GPC5: variants seen among roughly 807,000 people sequenced by gnomAD.
GPC5 encodes glypican 5, also known as glypican-5.
Under a neutral mutation model 53.9 loss-of-function variants are expected in GPC5, and 47 were observed. The observed-to-expected ratio is 0.87, with a 90% CI of 0.69 to 1.11. The LOEUF (loss-of-function observed/expected upper bound fraction) is 1.11, where lower values mean the gene tolerates loss of function less well. Ranked by LOEUF, GPC5 falls within the 50% of genes most tolerant of loss-of-function variation. The probability of loss-of-function intolerance (pLI) is 0.00; values close to 1 mark genes in which losing one functional copy is unlikely to be tolerated. For synonymous variants in GPC5, 286 were observed against 263.3 expected, an observed-to-expected ratio of 1.09 and a Z score of -0.84; for missense variants, 748 against 713.1, an observed-to-expected ratio of 1.05 and a Z score of -0.56.
intron 7 of GPC5, among the ~76,000 whole-genome samples, chr13:92,591,751 C>T (rs1883718233): frequency 1.3e-5 from 2 of 152,072 alleles, no homozygotes; most frequent in Non-Finnish European, 2.9e-5. Flanking sequence ...ACTCCCCCAC[C>T]CCCCAACCAC....
intron 7 of GPC5, among the ~76,000 whole-genome samples, chr13:92,663,579 A>ATATATATATATATATATCTAC (rs1886423172): frequency 1.2e-5 from 1 of 82,198 alleles, no homozygotes. Flanking sequence ...TCTACTAAAT[A>ATATATATATATATATATCTAC]TATATATATA....
At chr13:92,357,382 C>T (rs545342675) in intron 7 of GPC5, among the ~76,000 whole-genome samples, 2 of 151,736 alleles carry the variant, frequency 1.3e-5, no homozygotes, top group Non-Finnish European at 2.9e-5. Context: ...GCATCTGTTA[C>T]TTTTTGACTT....
intron 5 of GPC5, among the ~76,000 whole-genome samples, chr13:91,833,876 A>T (rs974593583): frequency 6.6e-6 from 1 of 152,086 alleles, no homozygotes; most frequent in Admixed American, 6.6e-5. Flanking sequence ...TCAACATTGT[A>T]TTGGAAGTTC....
At chr13:92,381,604 G>T (rs1316832565) in intron 7 of GPC5, among the ~76,000 whole-genome samples, 1 of 151,240 alleles carries the variant, frequency 6.6e-6, no homozygotes, top group Admixed American at 6.6e-5. Context: ...ATTCCTTAAA[G>T]AACTAAAAGT....
intron 2 of GPC5, among the ~76,000 whole-genome samples, chr13:91,466,639 T>C (rs1047068787): frequency 6.6e-6 from 1 of 152,030 alleles, no homozygotes; most frequent in Non-Finnish European, 1.5e-5. Flanking sequence ...AAGTGAGTTT[T>C]GGTAGTGATG....
At chr13:91,927,284 T>A (rs2039778021) in intron 6 of GPC5, among the ~76,000 whole-genome samples, 1 of 152,198 alleles carries the variant, frequency 6.6e-6, no homozygotes, top group Non-Finnish European at 1.5e-5. Flanking sequence ...CAGAAAACCC[T>A]GTCGTGCTAT....
At chr13:91,637,291 T>C (rs1429551935) in intron 2 of GPC5, among the ~76,000 whole-genome samples, 1 of 152,214 alleles carries the variant, frequency 6.6e-6, no homozygotes, top group Non-Finnish European at 1.5e-5. Flanking sequence ...GAAGTGTACT[T>C]ACATTATTTT....
intron 6 of GPC5, among the ~76,000 whole-genome samples, chr13:91,980,708 A>G (rs1213372536): frequency 6.6e-6 from 1 of 152,198 alleles, no homozygotes; most frequent in African/African-American, 2.4e-5. Flanking sequence ...TTTACTAAAT[A>G]TATCCATCCA....
At chr13:92,628,460 G>C (rs779331753) in intron 7 of GPC5, among the ~76,000 whole-genome samples, 1 of 151,592 alleles carries the variant, frequency 6.6e-6, no homozygotes, top group Non-Finnish European at 1.5e-5. Flanking sequence ...TAGCTGGGCT[G>C]CTTTGGGGGT....
chr13:91,478,822 T>TATATATATATACACAC lies in GPC5; in HGVS notation c.325+29901_325+29902insTATATATATACACACA, dbSNP rs1323023652. Among the ~76,000 whole-genome samples, 11 of 92,160 alleles carry TATATATATATACACAC rather than the reference T, an allele frequency of 1.2e-4. 1 individual carries two copies. The highest frequency in any genetic ancestry group is 3.1e-4 in the African/African-American group (6 of 19,356). 60.5% of individuals were successfully genotyped at this position (92,160 alleles called of 152,430 possible). On this transcript the variant is annotated intron_variant, in intron 2 of 7. Coordinates refer to ENST00000377067, the MANE Select transcript of GPC5 (RefSeq NM_004466.6). ...ATATATATATATATATATATATATA[T>TATATATATATACACAC]ACACACACACACATATATATACACA...
chr13:91,486,226 G>T (rs756091785), intron 2 of GPC5: 1 of 152,100 alleles, frequency 6.6e-6, no homozygotes, highest in Non-Finnish European at 1.5e-5. Context: ...TAGACCATCC[G>T]CTGGGCTCAT....
chr13:91,420,867 C>A (rs1878574377), intron 1 of GPC5, among the ~76,000 whole-genome samples: 1 of 152,194 alleles, frequency 6.6e-6, no homozygotes, highest in East Asian at 1.9e-4. Flanking sequence ...TGAGACCTCC[C>A]CAGCCATGTG....
At chr13:92,427,748 C>A (rs940207854) in intron 7 of GPC5, among the ~76,000 whole-genome samples, 1 of 152,012 alleles carries the variant, frequency 6.6e-6, no homozygotes, top group African/African-American at 2.4e-5. Flanking sequence ...GCAAGCCTAG[C>A]CCAATAACGT....
rs143886766 is a variant in GPC5, at chr13:92,121,316, C to A, written c.1402-23514C>A. On this transcript the variant is annotated intron_variant, in intron 6 of 7. Coordinates refer to ENST00000377067, the MANE Select transcript of GPC5 (RefSeq NM_004466.6). ...GTTGGGTGAAAGTTCTGGTTCAGGTCTGCATCTCTGTTCACCATCATTTAT... is the reference window on the plus strand; with the variant it reads ...GTTGGGTGAAAGTTCTGGTTCAGGTATGCATCTCTGTTCACCATCATTTAT... Among the ~76,000 whole-genome samples the A allele has an allele frequency of 7.0e-4, 107 of 152,252 alleles. 1 individual carries two copies. The highest frequency in any genetic ancestry group is 2.4e-3 in the African/African-American group (99 of 41,558).
intron 7 of GPC5, among the ~76,000 whole-genome samples, chr13:92,596,505 C>T (rs887712087): frequency 1.3e-5 from 2 of 151,890 alleles, no homozygotes; most frequent in Admixed American, 6.6e-5. Flanking sequence ...GACAGAGTCT[C>T]ACTCTGTCGC....
intron 4 of GPC5, among the ~76,000 whole-genome samples, chr13:91,752,807 A>C (rs1341475189): frequency 6.6e-6 from 1 of 152,208 alleles, no homozygotes; most frequent in African/African-American, 2.4e-5. Flanking sequence ...CAGGATGTGC[A>C]CAGTTCTTGA....
chr13:92,482,574 T>TC (rs1339724453), intron 7 of GPC5, among the ~76,000 whole-genome samples: 3 of 152,126 alleles, frequency 2.0e-5, no homozygotes, highest in Admixed American at 6.6e-5. Context: ...AGGGTTTTTT[T>TC]CCCCCCTTAA....
intron 7 of GPC5, among the ~76,000 whole-genome samples, chr13:92,464,307 C>G (rs538623016): frequency 3.3e-5 from 5 of 152,228 alleles, no homozygotes; most frequent in African/African-American, 1.2e-4. Context: ...CCAGCTTAAA[C>G]ATTTACTGAG....
At chr13:91,502,200 G>A (rs952186000) in intron 2 of GPC5, among the ~76,000 whole-genome samples, 5 of 152,036 alleles carry the variant, frequency 3.3e-5, no homozygotes, top group African/African-American at 1.2e-4. Flanking sequence ...TAGGTTGCCT[G>A]TTCACTCTGA....
Sources: allele counts gnomAD v4.1 joint callset (sites outside exome capture counted in the v4.1 genomes callset), GRCh38; gene constraint gnomAD v4.1.1; transcripts MANE v1.5; gene names NCBI Gene and HGNC (gene_info 2026-07-23, HGNC 2026-07-21).